AFAP1L1: variants seen among roughly 807,000 people sequenced by gnomAD.
The protein encoded by AFAP1L1 is actin filament associated protein 1 like 1, also known as actin filament-associated protein 1-like 1.
AFAP1L1 carries 77 observed loss-of-function variants against 99.8 expected under a neutral mutation model. That is an observed-to-expected ratio of 0.77 (90% CI 0.64 to 0.93). AFAP1L1 has a LOEUF of 0.93. Ranked by LOEUF, AFAP1L1 falls within the 40% of genes least tolerant of loss-of-function variation. The pLI is 0.00. For missense variants in AFAP1L1, 893 were observed against 996.8 expected, an observed-to-expected ratio of 0.90 and a Z score of 1.40; for synonymous variants, 373 against 395.3, an observed-to-expected ratio of 0.94 and a Z score of 0.67.
chr5:149,338,632 A>AT (rs1350642198), intron 18 of AFAP1L1, among the ~76,000 whole-genome samples: 1 of 152,274 alleles, frequency 6.6e-6, no homozygotes, highest in Non-Finnish European at 1.5e-5. Flanking sequence ...TTCTGGTTAC[A>AT]TAACAGGGAA....
At chr5:149,315,957 G>A (rs1251774860) in intron 10 of AFAP1L1, 43 bp downstream of exon 10, 1 of 1,610,440 alleles carries the variant, frequency 6.2e-7, no homozygotes, top group African/African-American at 1.3e-5. Context: ...GCTGGAACTG[G>A]GCCGGGCCTT....
At chr5:149,303,460 T>C (rs1756296489) in intron 5 of AFAP1L1, among the ~76,000 whole-genome samples, 1 of 152,238 alleles carries the variant, frequency 6.6e-6, no homozygotes, top group South Asian at 2.1e-4. Context: ...AATGTTTGGA[T>C]GGCTCAGCAT....
chr5:149,337,270 G>A (rs1457308451), intron 18 of AFAP1L1, among the ~76,000 whole-genome samples: 3 of 152,060 alleles, frequency 2.0e-5, no homozygotes, highest in Non-Finnish European at 2.9e-5. Flanking sequence ...TTGCATACTC[G>A]AAATTTGTTT....
rs1322329437 is a variant in AFAP1L1 at position 149,306,292 on chromosome 5, C to T, written c.437-14C>T. 6.2e-7 allele frequency: 1 copy of T among 1,608,398 alleles called. No individual in the cohort carries two copies. Among genetic ancestry groups the T allele is most frequent in the Non-Finnish European group, 8.5e-7 (1 of 1,176,898 alleles). On this transcript the variant is annotated splice_polypyrimidine_tract_variant and intron_variant, in intron 5 of 18. Coordinates refer to ENST00000296721, the MANE Select transcript of AFAP1L1 (RefSeq NM_152406.4). Reference sequence around the variant, plus strand: ...GCATTTCTCCAAAGTGCAGCTCTTTCTGACAACCCACAGATGGCTGCAGCC... The same window carrying T: ...GCATTTCTCCAAAGTGCAGCTCTTTTTGACAACCCACAGATGGCTGCAGCC...
intron 1 of AFAP1L1, among the ~76,000 whole-genome samples, chr5:149,282,647 A>G (rs980107675): frequency 6.6e-6 from 1 of 152,214 alleles, no homozygotes; most frequent in Non-Finnish European, 1.5e-5. Context: ...CTTTCTCACT[A>G]TAAGGACAGA....
At position 149,332,748 on chromosome 5, in the gene AFAP1L1, C is replaced by T. The variant is rs578005088; in HGVS notation, c.2029C>T (p.Arg677Trp). The change falls in exon 17 of 19, where the codon CGG becomes TGG. Residue 677 changes from arginine to tryptophan, a missense_variant. Physicochemically the swap from Arg to Trp is moderately radical, Grantham distance 101. Coordinates refer to ENST00000296721, the MANE Select transcript of AFAP1L1 (RefSeq NM_152406.4). Reference protein sequence around the residue: ...EAVATLEAQCRAKEERRIDLE... With the variant: ...EAVATLEAQCWAKEERRIDLE... ...CGTGGCCACCCTGGAAGCTCAGTGT[C>T]GGGCAAAGGAGGAGCGCCGGATTGA... 78 of 1,613,888 alleles carry T rather than the reference C, an allele frequency of 4.8e-5. No individual in the cohort carries two copies. In the East Asian group the frequency reaches 9.1e-4, roughly 19 times the overall value.
Position 149,341,530 on chromosome 5 carries a change from AT to A in AFAP1L1, c.*1503del, listed in dbSNP as rs1757560626. The A allele has an allele frequency of 1.3e-5, 2 of 152,346 alleles. No individual in the cohort carries two copies. Among genetic ancestry groups the A allele is most frequent in the South Asian group, 4.1e-4 (2 of 4,832 alleles). 9.4% of individuals were successfully genotyped at this position (152,346 alleles called of 1,614,324 possible). A position where few individuals can be genotyped will look rare whatever the true frequency, so the allele number is the denominator to read the frequency against. On this transcript the variant is annotated 3_prime_UTR_variant, in exon 19 of 19. Coordinates refer to ENST00000296721, the MANE Select transcript of AFAP1L1 (RefSeq NM_152406.4). ...CTTTTCTCCCAAGATTGTTGGGAAG[AT>A]TTAATAAGATAATATATAGTAGGCA...
chr5:149,329,920 G>T, intron 16 of AFAP1L1, 90 bp downstream of exon 16: 1 of 1,222,560 alleles, frequency 8.2e-7, no homozygotes. Context: ...AAGTCACCTG[G>T]TTTCTTACCC....
chr5:149,303,241 A>G (rs1756290602), intron 5 of AFAP1L1, among the ~76,000 whole-genome samples: 2 of 152,208 alleles, frequency 1.3e-5, no homozygotes, highest in Non-Finnish European at 1.5e-5. Flanking sequence ...TATTTTTACT[A>G]GTAGGTGGGT....
At chr5:149,291,060 G>T (rs1275898764) in intron 1 of AFAP1L1, among the ~76,000 whole-genome samples, 1 of 152,194 alleles carries the variant, frequency 6.6e-6, no homozygotes, top group Non-Finnish European at 1.5e-5. Flanking sequence ...GGGGGGAGTA[G>T]GTGCAGTGAA....
At chr5:149,329,554 T>G in intron 15 of AFAP1L1, 112 bp from the exon 16 acceptor site, 1 of 1,129,756 alleles carries the variant, frequency 8.9e-7, no homozygotes, top group Non-Finnish European at 1.2e-6. Flanking sequence ...TAGGTCTAAA[T>G]ATTTCCATTT....
intron 14 of AFAP1L1, 59 bp from the exon 15 acceptor site, chr5:149,322,547 C>A: frequency 8.0e-7 from 1 of 1,254,368 alleles, no homozygotes; most frequent in Non-Finnish European, 1.1e-6. Flanking sequence ...CGCAATACAC[C>A]CTGCATTGAT....
At chr5:149,305,996 A>G (rs1756398641) in intron 5 of AFAP1L1, among the ~76,000 whole-genome samples, 1 of 152,222 alleles carries the variant, frequency 6.6e-6, no homozygotes, top group East Asian at 1.9e-4. Flanking sequence ...CAGAGGAAAG[A>G]TCTTTGATCT....
chr5:149,301,258 T>G, intron 4 of AFAP1L1, 28 bp downstream of exon 4: 2 of 1,603,006 alleles, frequency 1.2e-6, no homozygotes, highest in Non-Finnish European at 1.7e-6. Context: ...TTCCCACACC[T>G]CAGGGCCTCT....
chr5:149,320,478 G>T lies in AFAP1L1; in HGVS notation c.1698+15G>T, dbSNP rs1181034817. Reference sequence around the variant, plus strand: ...AAAAGATGCAGGTACAGTCCCTTGGGGCTGCCCAGGAATGTGGCAAAGGCC... The same window carrying T: ...AAAAGATGCAGGTACAGTCCCTTGGTGCTGCCCAGGAATGTGGCAAAGGCC... On this transcript the variant is annotated intron_variant, in intron 14 of 18. Transcript: ENST00000296721. The surrounding 1 kb of genome is among the most constrained non-coding windows in gnomAD (Gnocchi z 4.0). 1 of 1,613,650 alleles carries T rather than the reference G, an allele frequency of 6.2e-7. No homozygotes were observed. The highest frequency in any genetic ancestry group is 1.7e-5 in the Admixed American group (1 of 60,024).
intron 7 of AFAP1L1, among the ~76,000 whole-genome samples, chr5:149,309,164 G>A (rs551763283): frequency 3.9e-5 from 6 of 152,232 alleles, no homozygotes; most frequent in Admixed American, 1.3e-4. Flanking sequence ...GCTGTGGGTT[G>A]TTTGTAGATG....
At chr5:149,312,290 G>A (rs1276553279) in intron 9 of AFAP1L1, 86 bp downstream of exon 9, 11 of 1,356,152 alleles carry the variant, frequency 8.1e-6, no homozygotes, top group Non-Finnish European at 1.2e-5. Context: ...ACTGGCTGGG[G>A]GGAAAGTCAG....
At chr5:149,299,691 C>G in intron 2 of AFAP1L1, 54 bp downstream of exon 2, 1 of 1,609,572 alleles carries the variant, frequency 6.2e-7, no homozygotes, top group South Asian at 1.1e-5. Flanking sequence ...GACAACAAAA[C>G]CTCCCTTCAC....
At chr5:149,291,550 AG>A (rs370697214) in intron 1 of AFAP1L1, among the ~76,000 whole-genome samples, 4,693 of 22,518 alleles carry the variant, frequency 0.21, 614 homozygotes, top group South Asian at 0.26. Context: ...AAAAAAAAAA[AG>A]AAAGAAAGAA....
Sources: allele counts gnomAD v4.1 joint callset (sites outside exome capture counted in the v4.1 genomes callset), GRCh38; gene constraint gnomAD v4.1.1; non-coding constraint Gnocchi (gnomAD v3.1); transcripts MANE v1.5; gene names NCBI Gene and HGNC (gene_info 2026-07-23, HGNC 2026-07-21).